Variants in DOCK1 observed in about 807,000 individuals in gnomAD.
The protein encoded by DOCK1 is dedicator of cytokinesis 1.
A neutral mutation model predicts 262.7 loss-of-function variants in DOCK1; 138 were observed. The ratio of observed to expected loss-of-function variants is 0.53; its 90% confidence interval spans 0.46 to 0.61. The LOEUF (loss-of-function observed/expected upper bound fraction) is 0.61. Ranked by LOEUF, DOCK1 falls within the 20% of genes least tolerant of loss-of-function variation. The probability of loss-of-function intolerance (pLI) is 0.00; values close to 1 mark genes in which losing one functional copy is unlikely to be tolerated. For missense variants in DOCK1, 1,908 were observed against 2,370.7 expected (o/e 0.80, Z 4.05); for synonymous variants, 866 against 867.4 (o/e 1.00, Z 0.03).
chr10:127,024,264 C>T (rs1488823699), intron 14 of DOCK1, among the ~76,000 whole-genome samples: 3 of 152,170 alleles, frequency 2.0e-5, no homozygotes, highest in African/African-American at 7.2e-5. Flanking sequence ...TAGGTGCTGC[C>T]CTTGCCACTG....
At chr10:127,106,385 G>A in intron 24 of DOCK1, 84 bp downstream of exon 24, 2 of 1,450,284 alleles carry the variant, frequency 1.4e-6, no homozygotes, top group Non-Finnish European at 1.9e-6. Flanking sequence ...GATGCTCAGG[G>A]TTCTGCCTCA....
intron 4 of DOCK1, among the ~76,000 whole-genome samples, chr10:126,986,941 T>C (rs891927250): frequency 1.2e-4 from 18 of 152,054 alleles, no homozygotes; most frequent in African/African-American, 4.1e-4. Flanking sequence ...GGTTAAACTT[T>C]TGGGGCGGAG....
At chr10:127,390,383 TG>T (rs1252358984) in intron 38 of DOCK1, among the ~76,000 whole-genome samples, 1 of 152,182 alleles carries the variant, frequency 6.6e-6, no homozygotes, top group Non-Finnish European at 1.5e-5. Flanking sequence ...TGGGCTGAGT[TG>T]CATCCCCCCA....
At chr10:127,295,659 G>C (rs941081191) in intron 29 of DOCK1, among the ~76,000 whole-genome samples, 2 of 151,598 alleles carry the variant, frequency 1.3e-5, no homozygotes, top group African/African-American at 2.4e-5. Flanking sequence ...GCAGTCCAGT[G>C]AGACACTGCC....
chr10:127,149,742 GC>G (rs1345928101), intron 27 of DOCK1, among the ~76,000 whole-genome samples: 1 of 152,180 alleles, frequency 6.6e-6, no homozygotes, highest in Admixed American at 6.5e-5. Flanking sequence ...AGCTGTGATG[GC>G]CCCACGTGTT....
Position 127,032,252 on chromosome 10 carries a change from G to A in DOCK1, c.1844G>A (p.Ser615Asn), listed in dbSNP as rs1407109652. ...GGCAAGAGCATGCAGAGCCTTGGGA[G>A]CTGCACCATTAGCAAGGACTCCTTC... ...ATGKSMQSLGSCTISKDSFQI... is the reference protein window; with the variant it reads ...ATGKSMQSLGNCTISKDSFQI... The change falls in exon 18 of 52, where the codon AGC becomes AAC. Residue 615 changes from serine to asparagine, a missense_variant. Transcript: ENST00000623213. 2 of 1,598,986 alleles carry A rather than the reference G, an allele frequency of 1.3e-6. No individual in the cohort carries two copies. Among genetic ancestry groups the A allele is most frequent in the East Asian group, 4.5e-5 (2 of 44,302 alleles).
intron 27 of DOCK1, among the ~76,000 whole-genome samples, chr10:127,196,632 C>T (rs1458052116): frequency 3.5e-5 from 5 of 144,284 alleles, no homozygotes; most frequent in African/African-American, 1.3e-4. Flanking sequence ...CGGCGCGGGG[C>T]CGGGCCGGGC....
At chr10:127,333,816 T>C (rs750613972) in intron 29 of DOCK1, among the ~76,000 whole-genome samples, 1 of 152,204 alleles carries the variant, frequency 6.6e-6, no homozygotes, top group African/African-American at 2.4e-5. Flanking sequence ...AATGCGACTT[T>C]ACATTTTGTA....
chr10:127,408,938 T>C, intron 40 of DOCK1, 99 bp from the exon 41 acceptor site: 1 of 1,406,826 alleles, frequency 7.1e-7, no homozygotes, highest in South Asian at 1.4e-5. Flanking sequence ...TGACATTTTG[T>C]AAGAACCCGT....
At chr10:127,094,971 C>T (rs2047819419) in intron 23 of DOCK1, among the ~76,000 whole-genome samples, 1 of 152,182 alleles carries the variant, frequency 6.6e-6, no homozygotes, top group African/African-American at 2.4e-5. Context: ...AGGCTCTCTG[C>T]CCTCTCCATG....
chr10:127,036,038 AT>A lies in DOCK1; in HGVS notation c.1913-1680del, dbSNP rs1232997453. Reference sequence around the variant, plus strand: ...AATAAATAAATAAATAAATAAATAAATAAATAAAAAAGAGTAGAGTGCTCAA... The same window carrying A: ...AATAAATAAATAAATAAATAAATAAAAAATAAAAAAGAGTAGAGTGCTCAA... On this transcript the variant is annotated intron_variant, in intron 18 of 51. Transcript: ENST00000623213. 5.4e-4 allele frequency among the ~76,000 whole-genome samples: 82 copies of A among 151,142 alleles called. 1 individual carries two copies. The highest frequency in any genetic ancestry group is 6.8e-3 in the Middle Eastern group (2 of 294).
chr10:127,228,006 A>C (rs1391577361), intron 27 of DOCK1, among the ~76,000 whole-genome samples: 4 of 152,164 alleles, frequency 2.6e-5, no homozygotes, highest in African/African-American at 9.7e-5. Context: ...GCAATTTCTC[A>C]AGCTTTGACT....
At chr10:127,368,352 C>T (rs893240433) in intron 33 of DOCK1, among the ~76,000 whole-genome samples, 20 of 152,182 alleles carry the variant, frequency 1.3e-4, no homozygotes, top group African/African-American at 4.8e-4. Context: ...CCGGATGCCC[C>T]AGCCATTCTC....
At chr10:126,932,586 G>A (rs985531538) in intron 1 of DOCK1, among the ~76,000 whole-genome samples, 7,220 of 152,202 alleles carry the variant, frequency 0.047, 491 homozygotes, top group African/African-American at 0.15. Flanking sequence ...AGCAGCGGGT[G>A]GGACCTGGTC....
At chr10:127,093,189 C>T (rs1316740046) in intron 23 of DOCK1, among the ~76,000 whole-genome samples, 1 of 102,066 alleles carries the variant, frequency 9.8e-6, no homozygotes, top group African/African-American at 4.3e-5. Context: ...ATCTGAATCT[C>T]CCTCTCCTTT....
intron 38 of DOCK1, among the ~76,000 whole-genome samples, chr10:127,390,939 G>A (rs768260288): frequency 1.3e-5 from 2 of 152,194 alleles, no homozygotes; most frequent in Non-Finnish European, 2.9e-5. Context: ...GCTGCTCTGA[G>A]TCAAAGACTT....
chr10:126,938,107 C>A (rs2034680291), intron 1 of DOCK1, among the ~76,000 whole-genome samples: 2 of 151,144 alleles, frequency 1.3e-5, no homozygotes, highest in Admixed American at 1.3e-4. Flanking sequence ...AGTGCAATGG[C>A]ACGATCTCAG....
At chr10:127,397,730 CCGGGCAGCGACTCCTGTATGACA>C (rs1443055805) in intron 38 of DOCK1, among the ~76,000 whole-genome samples, 35,109 of 148,260 alleles carry the variant, frequency 0.24, 4,626 homozygotes, top group East Asian at 0.51. Flanking sequence ...CCTGTGTGAC[CCGGGCAGCGACTCCTGTATGACA>C]CGGGCAGCGA....
intron 23 of DOCK1, among the ~76,000 whole-genome samples, chr10:127,105,575 T>A (rs1436072556): frequency 6.6e-6 from 1 of 152,150 alleles, no homozygotes; most frequent in Non-Finnish European, 1.5e-5. Context: ...GGACAGGTCT[T>A]CATTTTGCTT....
Sources: gnomAD v4.1 joint callset for allele counts (sites outside exome capture counted in the v4.1 genomes callset) on GRCh38, gnomAD v4.1.1 for gene constraint, MANE v1.5 for transcripts, NCBI Gene and HGNC (gene_info 2026-07-23, HGNC 2026-07-21) for gene names.